The following RMDN2 variants were observed in gnomAD, a reference collection of about 807,000 sequenced individuals.
RMDN2 encodes regulator of microtubule dynamics protein 2.
Under a neutral mutation model 52.8 loss-of-function variants are expected in RMDN2, and 61 were observed. The ratio of observed to expected loss-of-function variants is 1.16; its 90% CI spans 0.94 to 1.43. RMDN2 has a LOEUF of 1.43. Ranked by LOEUF, RMDN2 falls within the 40% of genes most tolerant of loss-of-function variation. The pLI, the probability that RMDN2 is intolerant of heterozygous loss-of-function variation, is 0.00. For missense variants in RMDN2, 592 were observed against 475.3 expected (o/e 1.25, Z -2.28); for synonymous variants, 180 against 153.1 (o/e 1.18, Z -1.30).
chr2:37,973,921 C>T (rs755550743), intron 2 of RMDN2, 119 bp from the exon 3 acceptor site: 76 of 740,594 alleles, frequency 1.0e-4, no homozygotes, highest in Non-Finnish European at 1.6e-4. Context: ...AGTGAAAGCA[C>T]GTGCCACTGC....
In RMDN2 at chr2:38,036,445, G is replaced by A. The variant is rs1231969955; in HGVS notation, c.1714-30537G>A. ...TCACTGTTGTTGCCTTTTATGTTCC[G>A]GAGTCCTGCATGATATGGACTCCAG... On this transcript the variant is annotated intron_variant, in intron 10 of 10. Coordinates refer to the RMDN2 transcript ENST00000234195. 4.6e-5 allele frequency: 7 copies of A among 152,126 alleles called. No individual in the cohort carries two copies. The South Asian group carries it at 1.0e-3, about 23-fold the overall frequency. 9.4% of individuals were successfully genotyped at this position (152,126 alleles called of 1,614,324 possible).
At position 38,003,861 on chromosome 2, in the gene RMDN2, ACAAC is replaced by A. The variant is rs2125191948; in HGVS notation, c.1045-124_1045-121del. 4.2e-6 allele frequency: 3 copies of A among 711,836 alleles called. No homozygotes were observed. In the South Asian group the frequency reaches 5.2e-5, roughly 12 times the overall value. 44.1% of individuals were successfully genotyped at this position (711,836 alleles called of 1,614,324 possible). A position where few individuals can be genotyped will look rare whatever the true frequency, so the allele number is the denominator to read the frequency against. On this transcript the variant is annotated intron_variant, in intron 8 of 10. Transcript: ENST00000354545. The stretch of plus-strand genomic sequence containing the variant: ...ACTGATCAAGTGATTCAAATGTGAA[ACAAC>A]CAACCTAAATTCTTAGGGCAGTTTG...
chr2:38,001,637 T>G (rs552172796), intron 8 of RMDN2, among the ~76,000 whole-genome samples: 1 of 152,316 alleles, frequency 6.6e-6, no homozygotes, highest in South Asian at 2.1e-4. Flanking sequence ...ATGCATACAC[T>G]GGGGCAAGTT....
intron 10 of RMDN2, among the ~76,000 whole-genome samples, chr2:38,031,292 T>C (rs1680184734): frequency 6.8e-6 from 1 of 146,960 alleles, no homozygotes; most frequent in Non-Finnish European, 1.5e-5. Flanking sequence ...AGATGGGCTC[T>C]TGCCATGTTG....
intron 2 of RMDN2, among the ~76,000 whole-genome samples, chr2:37,935,947 G>A (rs1422133749): frequency 1.3e-5 from 2 of 152,010 alleles, no homozygotes; most frequent in Non-Finnish European, 2.9e-5. Context: ...TGTGCAGAAC[G>A]TGCAGGTTTG....
downstream of RMDN2, among the ~76,000 whole-genome samples, chr2:38,020,274 G>GC (rs1475769711): frequency 6.6e-6 from 1 of 152,122 alleles, no homozygotes; most frequent in Non-Finnish European, 1.5e-5. Flanking sequence ...TTGTTTTCCT[G>GC]CAACTAGATG....
At position 37,978,174 on chromosome 2, in the gene RMDN2, G is replaced by A. The variant is rs546272980; in HGVS notation, c.730+2860G>A. ...TCTCCACCAAAAAATACGAAAACCAGTCAGGCGTGGTGATGCGTGCCTGCA... is the reference window on the plus strand; with the variant it reads ...TCTCCACCAAAAAATACGAAAACCAATCAGGCGTGGTGATGCGTGCCTGCA... On this transcript the variant is annotated intron_variant, in intron 4 of 10. Transcript: ENST00000354545. 6.6e-4 allele frequency among the ~76,000 whole-genome samples: 101 copies of A among 152,258 alleles called. 1 individual carries two copies. Among genetic ancestry groups the A allele is most frequent in the Middle Eastern group, 3.4e-3 (1 of 294 alleles).
chr2:38,039,655 T>G (rs1182089119), intron 10 of RMDN2, among the ~76,000 whole-genome samples: 1 of 152,182 alleles, frequency 6.6e-6, no homozygotes, highest in African/African-American at 2.4e-5. Context: ...CTCACTCCCT[T>G]GCCAGAAAAT....
In RMDN2 at chr2:38,008,143, G is replaced by A. The variant is rs149743965; in HGVS notation, c.1179+3927G>A. Among the ~76,000 whole-genome samples the A allele has an allele frequency of 2.9e-3, 435 of 152,252 alleles. 1 individual carries two copies. Among genetic ancestry groups the A allele is most frequent in the African/African-American group, 9.7e-3 (404 of 41,538 alleles). ...ACTTCCAACTGTGTGGTCAATTTTG[G>A]AATAAGTGTGGCATGGTGCTAAGAA... On this transcript the variant is annotated intron_variant, in intron 10 of 10. Coordinates refer to ENST00000354545, the MANE Select transcript of RMDN2 (RefSeq NM_001170791.3).
At chr2:37,960,712 G>C (rs747847531) in intron 2 of RMDN2, among the ~76,000 whole-genome samples, 2 of 152,182 alleles carry the variant, frequency 1.3e-5, no homozygotes, top group Non-Finnish European at 2.9e-5. Flanking sequence ...ATTGTTATAT[G>C]TGAATTTGAT....
At chr2:38,032,330 C>T (rs1680269676) in intron 10 of RMDN2, among the ~76,000 whole-genome samples, 1 of 152,094 alleles carries the variant, frequency 6.6e-6, no homozygotes, top group Admixed American at 6.5e-5. Flanking sequence ...TTTACAATAC[C>T]ATATTAATGG....
chr2:38,039,604 T>C (rs2125286664), intron 10 of RMDN2, among the ~76,000 whole-genome samples: 1 of 152,294 alleles, frequency 6.6e-6, no homozygotes. Flanking sequence ...TGACTCCACC[T>C]GGAGATAAAT....
chr2:37,978,792 A>ATAGATAGG (rs1182432480), intron 4 of RMDN2, among the ~76,000 whole-genome samples: 43 of 152,000 alleles, frequency 2.8e-4, no homozygotes, highest in African/African-American at 1.0e-3. Flanking sequence ...AGATAGATAG[A>ATAGATAGG]TAGATAGATA....
At chr2:38,014,095 C>T (rs1026255216) in intron 10 of RMDN2, among the ~76,000 whole-genome samples, 6 of 151,946 alleles carry the variant, frequency 3.9e-5, no homozygotes, top group African/African-American at 1.5e-4. Flanking sequence ...GCCTATAATC[C>T]CAGCTACTAG....
intron 2 of RMDN2, among the ~76,000 whole-genome samples, chr2:37,962,704 C>A (rs527454088): frequency 2.0e-5 from 3 of 152,040 alleles, no homozygotes; most frequent in Middle Eastern, 3.4e-3. Flanking sequence ...GTGAACAGTT[C>A]TGTCTTTCTG....
At chr2:38,063,193 A>C (rs1212611171) in intron 10 of RMDN2, among the ~76,000 whole-genome samples, 2 of 152,218 alleles carry the variant, frequency 1.3e-5, no homozygotes, top group Non-Finnish European at 2.9e-5. Flanking sequence ...GAATCGCCAC[A>C]CTGACTTCTA....
intron 7 of RMDN2, among the ~76,000 whole-genome samples, chr2:37,992,840 G>A (rs769895786): frequency 7.2e-5 from 11 of 152,232 alleles, no homozygotes; most frequent in Admixed American, 1.3e-4. Flanking sequence ...GGTTAATAAG[G>A]TTAATAATTT....
At chr2:37,997,877 C>T (rs1245909908) in intron 8 of RMDN2, 1 of 191,064 alleles carries the variant, frequency 5.2e-6, no homozygotes, top group African/African-American at 2.4e-5. Flanking sequence ...AGTCCCAGTC[C>T]TCCTGATTAG....
chr2:38,043,440 G>A (rs1201761722), intron 10 of RMDN2, among the ~76,000 whole-genome samples: 1 of 152,130 alleles, frequency 6.6e-6, no homozygotes. Flanking sequence ...CATTCTGACA[G>A]TCTCTGTTTT....
Sources: gnomAD v4.1 joint callset for allele counts (sites outside exome capture counted in the v4.1 genomes callset) on GRCh38, gnomAD v4.1.1 for gene constraint, MANE v1.5 for transcripts, NCBI Gene and HGNC (gene_info 2026-07-23, HGNC 2026-07-21) for gene names.